Variants in SBF2 observed in about 807,000 individuals in gnomAD.
SBF2 encodes the protein myotubularin-related protein 13.
A neutral mutation model predicts 225.2 loss-of-function variants in SBF2; 112 were observed. The ratio of observed to expected loss-of-function variants is 0.50; its 90% confidence interval spans 0.43 to 0.58. The LOEUF is 0.58. SBF2 is among the 20% of genes least tolerant of loss of function. The pLI, the probability that SBF2 is intolerant of heterozygous loss-of-function variation, is 0.00. For synonymous variants in SBF2, 763 were observed against 773.3 expected (o/e 0.99, Z 0.22); for missense variants, 1,996 against 2,206.2 (o/e 0.90, Z 1.91).
rs375058889 is a variant in SBF2 at position 9,942,852 on chromosome 11, AAAGAAAGG to A, written c.1860+19097_1860+19104del. Among the ~76,000 whole-genome samples the A allele has an allele frequency of 5.4e-4, 81 of 149,626 alleles. 2 individuals are homozygous for A. Among genetic ancestry groups the A allele is most frequent in the African/African-American group, 1.8e-3 (72 of 40,828 alleles). ...AGACCCTGTCTCAAAAAAAACAAAG[AAAGAAAGG>A]AAGAAAGGAAGAAAGAAAGAAAAGA... On this transcript the variant is annotated intron_variant, in intron 16 of 39. Coordinates refer to ENST00000256190, the MANE Select transcript of SBF2 (RefSeq NM_030962.4).
chr11:9,922,341 T>C (rs535605791), intron 16 of SBF2, among the ~76,000 whole-genome samples: 1 of 152,262 alleles, frequency 6.6e-6, no homozygotes, highest in South Asian at 2.1e-4. Context: ...AATAGTCTAT[T>C]TGGACTCATT....
At chr11:9,831,277 G>A (rs1403961920) in intron 27 of SBF2, among the ~76,000 whole-genome samples, 1 of 152,220 alleles carries the variant, frequency 6.6e-6, no homozygotes, top group Non-Finnish European at 1.5e-5. Context: ...GGGACTACAG[G>A]CATGAGCCAT....
chr11:10,088,472 G>A (rs1342286989), intron 2 of SBF2, among the ~76,000 whole-genome samples: 3 of 152,172 alleles, frequency 2.0e-5, no homozygotes, highest in Non-Finnish European at 4.4e-5. Context: ...AAAGAAAAGA[G>A]GCTTATTCAG....
intron 16 of SBF2, among the ~76,000 whole-genome samples, chr11:9,953,896 G>A (rs1271820082): frequency 6.6e-6 from 1 of 152,080 alleles, no homozygotes; most frequent in African/African-American, 2.4e-5. Context: ...GGACATAGAA[G>A]ACTTCACTGG....
At position 10,236,354 on chromosome 11, in the gene SBF2, CAA is replaced by C. The variant is rs1288472791; in HGVS notation, c.56-42369_56-42368del. On this transcript the variant is annotated intron_variant, in intron 1 of 39. Transcript: ENST00000256190. ...GTATGCATATGCAGTCCCAGCTACT[CAA>C]GAGATTGACGGTGGGAGAACCACTT... Among the ~76,000 whole-genome samples, 11 of 152,174 alleles carry C rather than the reference CAA, an allele frequency of 7.2e-5. 1 individual carries two copies. Among genetic ancestry groups the C allele is most frequent in the Admixed American group, 2.6e-4 (4 of 15,272 alleles).
rs766631000 is a variant in SBF2 at position 9,847,051 on chromosome 11, T to C, written c.2839A>G (p.Ile947Val). ...GEQTVVRSFP[I>V]ASITKEKKIT... ...TTCTTCTCCTTGGTGATGGAGGCAA[T>C]GGGAAAGCTCCGCACAACTGTCTGC... The change falls in exon 23 of 40, where the codon ATT becomes GTT. Residue 947 changes from isoleucine to valine, a missense_variant. Physicochemically the swap from Ile to Val is conservative, Grantham distance 29. Transcript: ENST00000256190. The C allele has an allele frequency of 1.5e-5, 24 of 1,613,670 alleles. No homozygotes were observed. The highest frequency in any genetic ancestry group is 1.3e-5 in the African/African-American group (1 of 74,888).
chr11:10,093,623 T>C (rs1397313314), intron 2 of SBF2, among the ~76,000 whole-genome samples: 1 of 152,218 alleles, frequency 6.6e-6, no homozygotes, highest in Non-Finnish European at 1.5e-5. Context: ...TAAATATCTA[T>C]CTAGTTTTAT....
At chr11:10,165,905 T>C (rs1292289883) in intron 2 of SBF2, among the ~76,000 whole-genome samples, 3 of 152,216 alleles carry the variant, frequency 2.0e-5, no homozygotes, top group Non-Finnish European at 4.4e-5. Context: ...TCAATTATAG[T>C]AACTGTACTT....
intron 2 of SBF2, among the ~76,000 whole-genome samples, chr11:10,087,648 G>A (rs1951625659): frequency 6.6e-6 from 1 of 152,188 alleles, no homozygotes; most frequent in East Asian, 1.9e-4. Context: ...TTTTTATGAA[G>A]CTCATGAAGC....
intron 1 of SBF2, among the ~76,000 whole-genome samples, chr11:10,240,152 T>G (rs1199277370): frequency 1.3e-5 from 2 of 151,254 alleles, no homozygotes. Context: ...TATACAGACT[T>G]AAAACCTTAT....
At chr11:10,044,990 T>C (rs1425666631) in intron 2 of SBF2, among the ~76,000 whole-genome samples, 2 of 152,106 alleles carry the variant, frequency 1.3e-5, no homozygotes, top group African/African-American at 4.8e-5. Flanking sequence ...CTGGGCTCTA[T>C]AGTCAGCCAC....
intron 13 of SBF2, among the ~76,000 whole-genome samples, chr11:9,975,741 T>A (rs1313104369): frequency 6.6e-6 from 1 of 152,196 alleles, no homozygotes. Context: ...TTCATCATCA[T>A]TATCTATATA....
rs1044570433 is a variant in SBF2, at chr11:10,183,156, C to A, written c.141+10746G>T. The stretch of plus-strand genomic sequence containing the variant: ...CACATTTTCTAATATACCCAAAATT[C>A]TGGCTTGAAGAAGAAAACCTGGCAT... On this transcript the variant is annotated intron_variant, in intron 2 of 39. Coordinates refer to ENST00000256190, the MANE Select transcript of SBF2 (RefSeq NM_030962.4). 1.4e-4 allele frequency among the ~76,000 whole-genome samples: 22 copies of A among 152,132 alleles called. 1 individual carries two copies. The highest frequency in any genetic ancestry group is 2.6e-4 in the Admixed American group (4 of 15,264).
chr11:10,139,381 G>A (rs1300931436), intron 2 of SBF2, among the ~76,000 whole-genome samples: 1 of 152,148 alleles, frequency 6.6e-6, no homozygotes, highest in East Asian at 1.9e-4. Flanking sequence ...TGATGGAACT[G>A]TTCTTCATCT....
intron 16 of SBF2, among the ~76,000 whole-genome samples, chr11:9,928,177 A>T (rs1864202044): frequency 6.6e-6 from 1 of 152,204 alleles, no homozygotes; most frequent in African/African-American, 2.4e-5. Context: ...AAAATATAAG[A>T]CAATATCTGA....
intron 16 of SBF2, among the ~76,000 whole-genome samples, chr11:9,942,927 G>GAAAGAAAGAA (rs1554962802): frequency 2.1e-5 from 3 of 144,328 alleles, no homozygotes; most frequent in Non-Finnish European, 4.6e-5. Flanking sequence ...AAGAAAGAAA[G>GAAAGAAAGAA]AAAGAAAGAA....
chr11:9,852,614 C>T (rs1371977742), intron 21 of SBF2, 62 bp downstream of exon 21: 1 of 1,157,760 alleles, frequency 8.6e-7, no homozygotes, highest in Non-Finnish European at 1.3e-6. Flanking sequence ...TGGCACACAG[C>T]AGTCTATTGT....
intron 5 of SBF2, 120 bp downstream of exon 5, chr11:10,029,645 T>C: frequency 1.3e-6 from 1 of 795,896 alleles, no homozygotes; most frequent in Non-Finnish European, 2.2e-6. Flanking sequence ...TAAAGTAGGA[T>C]CTTCCTTAAA....
intron 1 of SBF2, among the ~76,000 whole-genome samples, chr11:10,262,979 T>C (rs1446856700): frequency 6.6e-6 from 1 of 152,086 alleles, no homozygotes; most frequent in African/African-American, 2.4e-5. Context: ...TAACAAGTAA[T>C]GACATTCTTT....
Sources: allele counts gnomAD v4.1 joint callset (sites outside exome capture counted in the v4.1 genomes callset), GRCh38; gene constraint gnomAD v4.1.1; transcripts MANE v1.5; gene names NCBI Gene and HGNC (gene_info 2026-07-23, HGNC 2026-07-21).